Variants in PLXNA4 observed in about 807,000 individuals in gnomAD.
PLXNA4 encodes plexin-A4.
A neutral mutation model predicts 191.8 loss-of-function variants in PLXNA4; 44 were observed. The observed-to-expected ratio is 0.23, with a 90% CI of 0.18 to 0.29. The LOEUF is 0.29. Ranked by LOEUF, PLXNA4 falls within the 10% of genes least tolerant of loss-of-function variation. The pLI is 1.00. For missense variants in PLXNA4, 1,800 were observed against 2,488.8 expected, an observed-to-expected ratio of 0.72 and a Z score of 5.89; for synonymous variants, 1,082 against 1,009.5, an observed-to-expected ratio of 1.07 and a Z score of -1.36.
rs182747455 is a variant in PLXNA4 at position 132,228,323 on chromosome 7, A to G, written c.1728+23T>C. 2,671 of 1,613,444 alleles carry G rather than the reference A, an allele frequency of 1.7e-3. 70 individuals carry two copies. In the Admixed American group the frequency reaches 0.04, roughly 24 times the overall value. On this transcript the variant is annotated intron_variant, in intron 6 of 31. Coordinates refer to ENST00000321063, the MANE Select transcript of PLXNA4 (RefSeq NM_020911.2). Reference sequence around the variant, plus strand: ...AGTTTTCCTTGCATCCCTGGACCCCACCCCAACCCCCACGACCCTTACCAG... The same window carrying G: ...AGTTTTCCTTGCATCCCTGGACCCCGCCCCAACCCCCACGACCCTTACCAG...
At chr7:132,509,986 A>C (rs1246527397) in intron 1 of PLXNA4, among the ~76,000 whole-genome samples, 1 of 152,232 alleles carries the variant, frequency 6.6e-6, no homozygotes, top group Non-Finnish European at 1.5e-5. Context: ...AAATGCTTTA[A>C]GAAGCAGTCA....
intron 1 of PLXNA4, among the ~76,000 whole-genome samples, chr7:132,518,488 A>T (rs1395501947): frequency 2.6e-5 from 4 of 151,958 alleles, no homozygotes; most frequent in African/African-American, 9.7e-5. Flanking sequence ...TTCTCTTCTG[A>T]GAGATGGGAA....
At chr7:132,634,408 C>G (rs951256542) in intron 2 of PLXNA4, among the ~76,000 whole-genome samples, 1 of 151,862 alleles carries the variant, frequency 6.6e-6, no homozygotes, top group Admixed American at 6.6e-5. Context: ...TCCATCCCTA[C>G]TGGAGTGAGT....
At chr7:132,553,329 C>T (rs140206940) in intron 1 of PLXNA4, among the ~76,000 whole-genome samples, 11 of 152,246 alleles carry the variant, frequency 7.2e-5, no homozygotes, top group Admixed American at 5.9e-4. Context: ...CACATTACTG[C>T]GAATGGTATT....
rs770256694 is a variant in PLXNA4, at chr7:132,210,980, C to T, written c.2261G>A (p.Arg754His). ...GCACTGTACGCTGGAGCTGTTGAAGCGCAGGGCGGGCACTCGCTGCTCGCT... is the reference window on the plus strand; with the variant it reads ...GCACTGTACGCTGGAGCTGTTGAAGTGCAGGGCGGGCACTCGCTGCTCGCT... Reference protein sequence around the residue: ...QGSEQRVPALRFNSSSVQCQN... With the variant: ...QGSEQRVPALHFNSSSVQCQN... The change falls in exon 10 of 32, where the codon CGC (arginine) becomes CAC (histidine). Residue 754 changes from arginine to histidine, a missense_variant. Arg to His is a conservative substitution (Grantham distance 29, BLOSUM62 0). This residue lies in a region of PLXNA4 where 1,397 missense variants were observed against 1,880.4 expected (regional missense o/e 0.74). Coordinates refer to ENST00000321063, the MANE Select transcript of PLXNA4 (RefSeq NM_020911.2). 21 of 1,613,264 alleles carry T rather than the reference C, an allele frequency of 1.3e-5. No homozygotes were observed. The highest frequency in any genetic ancestry group is 2.2e-5 in the South Asian group (2 of 91,050).
At chr7:132,523,972 A>G (rs77458464) in intron 1 of PLXNA4, among the ~76,000 whole-genome samples, 1 of 152,112 alleles carries the variant, frequency 6.6e-6, no homozygotes, top group Non-Finnish European at 1.5e-5. Flanking sequence ...CAAGAGAACA[A>G]TCAAGGGAGG....
At position 132,526,368 on chromosome 7, in the gene PLXNA4, T is replaced by A. The variant is rs1055737469; in HGVS notation, c.-86-17589A>T. On this transcript the variant is annotated intron_variant, in intron 1 of 31. Coordinates refer to ENST00000321063, the MANE Select transcript of PLXNA4 (RefSeq NM_020911.2). ...TGACAACTGCCTTCTCCTGATCCTCTTAGCACAGATGAGAGAGGTCACAAT... is the reference window on the plus strand; with the variant it reads ...TGACAACTGCCTTCTCCTGATCCTCATAGCACAGATGAGAGAGGTCACAAT... Among the ~76,000 whole-genome samples, 3 of 152,154 alleles carry A rather than the reference T, an allele frequency of 2.0e-5. No homozygotes were observed. The South Asian group carries it at 6.2e-4, about 32-fold the overall frequency.
At chr7:132,557,493 C>G (rs529456370) in intron 1 of PLXNA4, among the ~76,000 whole-genome samples, 2 of 151,276 alleles carry the variant, frequency 1.3e-5, no homozygotes, top group Non-Finnish European at 2.9e-5. Context: ...TACCAAGGAG[C>G]CCTTGAATAA....
At chr7:132,436,472 C>G (rs939212385) in intron 3 of PLXNA4, among the ~76,000 whole-genome samples, 2 of 152,236 alleles carry the variant, frequency 1.3e-5, no homozygotes. Flanking sequence ...CAGGGCCAGC[C>G]AGCTTAGGAA....
chr7:132,385,955 G>T (rs919228356), intron 3 of PLXNA4, among the ~76,000 whole-genome samples: 13 of 152,226 alleles, frequency 8.5e-5, no homozygotes, highest in African/African-American at 2.9e-4. Context: ...TCCGAAGGAT[G>T]TAAGAAGATC....
intron 14 of PLXNA4, 76 bp from the exon 15 acceptor site, chr7:132,187,683 C>T: frequency 2.0e-6 from 3 of 1,495,100 alleles, no homozygotes; most frequent in South Asian, 2.7e-5. Context: ...TGAGGCAGCA[C>T]CCCACTCCCC....
chr7:132,220,034 A>G (rs73155294), intron 9 of PLXNA4, among the ~76,000 whole-genome samples: 8,775 of 152,314 alleles, frequency 0.058, 363 homozygotes, highest in African/African-American at 0.12. Flanking sequence ...GGGCATCCCC[A>G]ACAATAAGCA....
At chr7:132,537,185 G>A (rs970487958) in intron 1 of PLXNA4, among the ~76,000 whole-genome samples, 5 of 152,194 alleles carry the variant, frequency 3.3e-5, no homozygotes, top group Admixed American at 6.5e-5. Context: ...AGACCACGCC[G>A]TCCACAGGGC....
intron 3 of PLXNA4, among the ~76,000 whole-genome samples, chr7:132,484,414 C>T (rs1797459405): frequency 6.6e-6 from 1 of 152,238 alleles, no homozygotes; most frequent in Non-Finnish European, 1.5e-5. Context: ...CAACCTCAGC[C>T]TCCCCTTCAC....
chr7:132,395,249 G>A (rs2117013677), intron 3 of PLXNA4, among the ~76,000 whole-genome samples: 1 of 152,358 alleles, frequency 6.6e-6, no homozygotes, highest in South Asian at 2.1e-4. Context: ...GGCTGTTGCA[G>A]GATGACAGGA....
chr7:132,378,076 T>G (rs986579240), intron 3 of PLXNA4, among the ~76,000 whole-genome samples: 5 of 152,100 alleles, frequency 3.3e-5, no homozygotes, highest in Admixed American at 6.6e-5. Flanking sequence ...CACCCAACCA[T>G]CACACTCTCC....
At chr7:132,160,643 T>C (rs1795922432) in intron 24 of PLXNA4, among the ~76,000 whole-genome samples, 2 of 152,166 alleles carry the variant, frequency 1.3e-5, no homozygotes, top group South Asian at 4.2e-4. Context: ...CAAGTGGCCC[T>C]CCCCTTCTGG....
chr7:132,228,543 G>A (rs960080709), intron 5 of PLXNA4, 74 bp from the exon 6 acceptor site: 4 of 1,584,476 alleles, frequency 2.5e-6, no homozygotes, highest in Middle Eastern at 1.7e-4. Context: ...CTGAGGTCAG[G>A]TGTTTCCAGC....
chr7:132,163,964 C>T (rs1460212018), intron 24 of PLXNA4, among the ~76,000 whole-genome samples, 178 bp downstream of exon 24: 1 of 152,228 alleles, frequency 6.6e-6, no homozygotes, highest in African/African-American at 2.4e-5. Context: ...CCTGGTGAAA[C>T]AGAACAGAGG....
Sources: allele counts gnomAD v4.1 joint callset (sites outside exome capture counted in the v4.1 genomes callset), GRCh38; gene constraint gnomAD v4.1.1; regional missense constraint gnomAD v4.1.1; transcripts MANE v1.5; gene names NCBI Gene and HGNC (gene_info 2026-07-23, HGNC 2026-07-21).